KIF20B: variants seen among roughly 807,000 people sequenced by gnomAD.
The protein encoded by KIF20B is kinesin family member 20B, also known as kinesin-like protein KIF20B.
A neutral mutation model predicts 232.5 loss-of-function variants in KIF20B; 188 were observed. That is an observed-to-expected ratio of 0.81 (90% CI 0.72 to 0.91). KIF20B has a LOEUF of 0.91. Ranked by LOEUF, KIF20B falls within the 40% of genes least tolerant of loss-of-function variation. The pLI is 0.00. For missense variants in KIF20B, 2,154 were observed against 2,055.9 expected, an observed-to-expected ratio of 1.05 and a Z score of -0.92; for synonymous variants, 712 against 683.0, an observed-to-expected ratio of 1.04 and a Z score of -0.66.
At chr10:89,757,022 T>TTGTGTGTGTGTGTGTGTGTG (rs377304425) in intron 26 of KIF20B, among the ~76,000 whole-genome samples, 9 of 122,832 alleles carry the variant, frequency 7.3e-5, no homozygotes, top group African/African-American at 3.0e-4. Flanking sequence ...TATATCTCTG[T>TTGTGTGTGTGTGTGTGTGTG]TGTGTGTGTG....
At position 89,716,526 on chromosome 10, in the gene KIF20B, T is replaced by G; in HGVS notation, c.1031T>G (p.Leu344Trp). 1 of 1,545,990 alleles carries G rather than the reference T, an allele frequency of 6.5e-7. No individual in the cohort carries two copies. The highest frequency in any genetic ancestry group is 8.9e-7 in the Non-Finnish European group (1 of 1,125,676). ...IKHQSVAFTK[L>W]NNASSRSHSI... ...CACCAGAGTGTTGCCTTCACAAAAT[T>G]GAATAATGCTTCCAGTAGAAGGTAA... is the stretch of plus-strand genomic sequence containing the variant. The change falls in exon 9 of 33, where the codon TTG becomes TGG. Residue 344 changes from leucine (L) to tryptophan (W), a missense_variant. By Grantham distance (61) the Leu-to-Trp change is moderately conservative. Transcript: ENST00000371728.
chr10:89,760,259 G>A (rs1230819482), intron 27 of KIF20B, among the ~76,000 whole-genome samples: 1 of 152,104 alleles, frequency 6.6e-6, no homozygotes, highest in African/African-American at 2.4e-5. Context: ...GCAAGAGAAT[G>A]TGGGCAGAAC....
At chr10:89,729,686 C>A (rs948795336) in intron 18 of KIF20B, among the ~76,000 whole-genome samples, 1 of 152,098 alleles carries the variant, frequency 6.6e-6, no homozygotes, top group Non-Finnish European at 1.5e-5. Context: ...TGTTTATATG[C>A]TTAATAGCAA....
chr10:89,743,700 G>T, intron 21 of KIF20B, 108 bp from the exon 22 acceptor site: 3 of 644,524 alleles, frequency 4.7e-6, no homozygotes, highest in South Asian at 3.0e-5. Context: ...TTTCTTTTAG[G>T]CTGTAAAGGA....
At position 89,709,227 on chromosome 10, in the gene KIF20B, C is replaced by G; in HGVS notation, c.208C>G (p.Gln70Glu). The change falls in exon 3 of 33, where the codon CAG becomes GAG. Residue 70 changes from glutamine (Q) to glutamate (E), a missense_variant. Gln to Glu is a conservative substitution (Grantham distance 29, BLOSUM62 2). Transcript: ENST00000371728. The stretch of plus-strand genomic sequence containing the variant: ...TTGTCTTCGAATAAGACCATTTACA[C>G]AGTCAGAAAAAGAACTTGAGTCTGA... ...QVCLRIRPFT[Q>E]SEKELESEGC... The G allele has an allele frequency of 6.2e-7, 1 of 1,610,476 alleles. No individual in the cohort carries two copies. The highest frequency in any genetic ancestry group is 1.1e-5 in the South Asian group (1 of 90,326).
At position 89,726,297 on chromosome 10, in the gene KIF20B, CACAT is replaced by C. The variant is rs1391265221; in HGVS notation, c.2008_2011del (p.His670IlefsTer3). The C allele has an allele frequency of 6.5e-7, 1 of 1,544,758 alleles. No homozygotes were observed. Among genetic ancestry groups the C allele is most frequent in the African/African-American group, 1.4e-5 (1 of 72,898 alleles). Reference sequence around the variant, plus strand: ...TGTGGTTTTTGCTATTTTTAGGAAACACATAATTATGTAGGATTTGAAGATATTA... The same window carrying C: ...TGTGGTTTTTGCTATTTTTAGGAAACAATTATGTAGGATTTGAAGATATTA... On this transcript the variant is annotated frameshift_variant, in exon 16 of 33. Coordinates refer to ENST00000371728, the MANE Select transcript of KIF20B (RefSeq NM_001284259.2). LOFTEE classifies it high-confidence loss of function.
intron 29 of KIF20B, among the ~76,000 whole-genome samples, chr10:89,767,084 C>G (rs1447697719): frequency 2.0e-5 from 3 of 151,838 alleles, no homozygotes; most frequent in Middle Eastern, 3.4e-3. Flanking sequence ...AATTTTCTAA[C>G]TGATTTTACT....
chr10:89,761,149 T>G (rs1842230326), intron 28 of KIF20B, among the ~76,000 whole-genome samples: 1 of 152,186 alleles, frequency 6.6e-6, no homozygotes, highest in East Asian at 1.9e-4. Context: ...AAAATTACTT[T>G]TTAAATTTCT....
At chr10:89,751,535 T>C in intron 24 of KIF20B, 64 bp downstream of exon 24, 1 of 1,472,622 alleles carries the variant, frequency 6.8e-7, no homozygotes, top group Non-Finnish European at 9.2e-7. Flanking sequence ...ATTTCCTAGA[T>C]TTCTTCCCTT....
Position 89,724,060 on chromosome 10 carries a change from C to A in KIF20B, c.1819C>A (p.Gln607Lys). The A allele has an allele frequency of 6.4e-7, 1 of 1,571,976 alleles. No individual in the cohort carries two copies. The highest frequency in any genetic ancestry group is 8.6e-7 in the Non-Finnish European group (1 of 1,164,426). Reference sequence around the variant, plus strand: ...ATTTAAAATTCGAGAAGAAGTTACACAGGAGTTTACTCAGTATTGGGCTCA... The same window carrying A: ...ATTTAAAATTCGAGAAGAAGTTACAAAGGAGTTTACTCAGTATTGGGCTCA... ...LEFKIREEVT[Q>K]EFTQYWAQRE... Residue 607 changes from glutamine (Q) to lysine (K), a missense_variant, in exon 14 of 33, where the codon CAG (glutamine) becomes AAG (lysine). Gln to Lys is a moderately conservative substitution (Grantham distance 53). Coordinates refer to ENST00000371728, the MANE Select transcript of KIF20B (RefSeq NM_001284259.2).
Position 89,738,314 on chromosome 10 carries a change from G to A in KIF20B, c.3473G>A (p.Cys1158Tyr). The change falls in exon 20 of 33, where the codon TGC becomes TAC. Residue 1158 changes from cysteine to tyrosine, a missense_variant. Transcript: ENST00000371728. ...ALSELTQGVT[C>Y]YKAKIKELET... is the part of the protein sequence containing the mutation. ...TCAGAACTTACACAAGGTGTTACTTGCTATAAGGCAAAAATAAAGGAACTT... is the reference window on the plus strand; with the variant it reads ...TCAGAACTTACACAAGGTGTTACTTACTATAAGGCAAAAATAAAGGAACTT... The A allele has an allele frequency of 6.2e-7, 1 of 1,612,154 alleles. No individual in the cohort carries two copies. Among genetic ancestry groups the A allele is most frequent in the South Asian group, 1.1e-5 (1 of 90,470 alleles).
At chr10:89,750,847 C>G (rs1238473466) in intron 23 of KIF20B, among the ~76,000 whole-genome samples, 1 of 151,926 alleles carries the variant, frequency 6.6e-6, no homozygotes, top group Non-Finnish European at 1.5e-5. Flanking sequence ...AAATATTTGA[C>G]TCTGAATATT....
intron 28 of KIF20B, among the ~76,000 whole-genome samples, chr10:89,761,747 G>T (rs1243540661): frequency 1.3e-5 from 2 of 152,142 alleles, no homozygotes; most frequent in Admixed American, 1.3e-4. Flanking sequence ...TCACAGAAAA[G>T]TTTGAAGTTT....
intron 21 of KIF20B, among the ~76,000 whole-genome samples, chr10:89,741,879 T>G (rs1841801553): frequency 1.3e-5 from 2 of 152,212 alleles, no homozygotes; most frequent in African/African-American, 4.8e-5. Context: ...TCATCTCAAT[T>G]ATCAGATCAC....
intron 31 of KIF20B, among the ~76,000 whole-genome samples, chr10:89,770,591 C>T (rs1038143014): frequency 6.6e-6 from 1 of 151,890 alleles, no homozygotes; most frequent in Non-Finnish European, 1.5e-5. Context: ...CCTACCAATG[C>T]ACTTGACATA....
chr10:89,757,040 G>GTGTGTGTGTGTGTGTGTATATATA (rs1301847520), intron 26 of KIF20B, among the ~76,000 whole-genome samples: 4 of 110,746 alleles, frequency 3.6e-5, no homozygotes, highest in African/African-American at 1.3e-4. Context: ...GTGTGTGTGT[G>GTGTGTGTGTGTGTGTGTATATATA]TATATATATA....
At chr10:89,760,500 G>A in intron 27 of KIF20B, 26 bp from the exon 28 acceptor site, 1 of 1,397,162 alleles carries the variant, frequency 7.2e-7, no homozygotes. Flanking sequence ...ACAATGCCCT[G>A]TTGCTTTAAT....
intron 2 of KIF20B, among the ~76,000 whole-genome samples, chr10:89,706,931 C>T (rs1158151929): frequency 6.6e-6 from 1 of 152,108 alleles, no homozygotes; most frequent in Non-Finnish European, 1.5e-5. Context: ...TTGCCAGTTT[C>T]TACAAGACAG....
At chr10:89,707,790 G>A (rs576507411) in intron 2 of KIF20B, among the ~76,000 whole-genome samples, 18 of 152,210 alleles carry the variant, frequency 1.2e-4, no homozygotes, top group East Asian at 1.2e-3. Flanking sequence ...TGTTGTTAGC[G>A]ATAGATTTTT....
Sources: allele counts gnomAD v4.1 joint callset (sites outside exome capture counted in the v4.1 genomes callset), GRCh38; gene constraint gnomAD v4.1.1; transcripts MANE v1.5; gene names NCBI Gene and HGNC (gene_info 2026-07-23, HGNC 2026-07-21).